The following FOSB variants were observed in gnomAD, a reference collection of about 807,000 sequenced individuals.
FOSB encodes protein FosB.
In FOSB, 8 loss-of-function variants were observed where a neutral mutation model predicts 31.1. That is an observed-to-expected ratio of 0.26 (90% CI 0.15 to 0.46). FOSB has a LOEUF of 0.46. Ranked by LOEUF, FOSB falls within the 20% of genes least tolerant of loss-of-function variation. The pLI is 0.99. For missense variants in FOSB, 376 were observed against 460.6 expected (o/e 0.82, Z 1.68); for synonymous variants, 214 against 206.1 (o/e 1.04, Z -0.33).
In FOSB at chr19:45,470,534, T is replaced by G. The variant is rs1023722390; in HGVS notation, c.127-95T>G. ...CCACACTCGCTCACCCTGTGCTCAC[T>G]CACGGGGTCGGTGTGTGTTATGTGT... On this transcript the variant is annotated intron_variant, in intron 1 of 3. Coordinates refer to ENST00000353609, the MANE Select transcript of FOSB (RefSeq NM_006732.3). 2.4e-6 allele frequency: 3 copies of G among 1,273,912 alleles called. No individual in the cohort carries two copies. In the African/African-American group the frequency reaches 4.4e-5, roughly 19 times the overall value. 78.9% of individuals were successfully genotyped at this position (1,273,912 alleles called of 1,614,324 possible).
At position 45,473,916 on chromosome 19, in the gene FOSB, A is replaced by G. The variant is rs1022188345; in HGVS notation, c.*904A>G. On this transcript the variant is annotated 3_prime_UTR_variant, in exon 4 of 4. Transcript: ENST00000353609. Reference sequence around the variant, plus strand: ...TTATACTGTGAAATGAGTTGGCCAGATTGTGGGGTGCAGCTGGGTGGGGCA... The same window carrying G: ...TTATACTGTGAAATGAGTTGGCCAGGTTGTGGGGTGCAGCTGGGTGGGGCA... 2.6e-5 allele frequency: 4 copies of G among 152,468 alleles called. No individual in the cohort carries two copies. Among genetic ancestry groups the G allele is most frequent in the African/African-American group, 9.7e-5 (4 of 41,322 alleles). 9.4% of individuals were successfully genotyped at this position (152,468 alleles called of 1,614,324 possible). A position where few individuals can be genotyped will look rare whatever the true frequency, so the allele number is the denominator to read the frequency against.
At chr19:45,470,355 G>A in intron 1 of FOSB, 4 of 474,832 alleles carry the variant, frequency 8.4e-6, no homozygotes, top group Non-Finnish European at 1.5e-5. Flanking sequence ...CACCAACCCG[G>A]GGTGTGATTC....
intron 3 of FOSB, chr19:45,471,515 C>CGG: frequency 2.4e-6 from 1 of 409,078 alleles, no homozygotes; most frequent in Non-Finnish European, 4.4e-6. Flanking sequence ...CATTTCCTGA[C>CGG]CCCACGGACT....
At chr19:45,469,727 T>G (rs1465057095) in intron 1 of FOSB, 1 of 152,262 alleles carries the variant, frequency 6.6e-6, no homozygotes, top group East Asian at 1.9e-4. Flanking sequence ...CTGCTCCTCA[T>G]GCCCGGTTCC....
chr19:45,471,106 C>T, intron 2 of FOSB, 88 bp from the exon 3 acceptor site: 10 of 1,398,076 alleles, frequency 7.2e-6, no homozygotes, highest in Non-Finnish European at 9.9e-6. Flanking sequence ...TTTTTTGGCT[C>T]TTGGGGGTTC....
In FOSB at chr19:45,468,877, T is replaced by C. The variant is rs1967512620; in HGVS notation, c.126+165T>C. On this transcript the variant is annotated intron_variant, in intron 1 of 3. Coordinates refer to ENST00000353609, the MANE Select transcript of FOSB (RefSeq NM_006732.3). This position sits in a 1 kb window ranked among gnomAD's most constrained non-coding sequence, Gnocchi z 4.8. The stretch of plus-strand genomic sequence containing the variant: ...AAACTGCAAAGAGTCGGGAGATGTT[T>C]GCAATTGGTTGCGTGCGTGGAGCGC... Among the ~76,000 whole-genome samples, 1 of 151,992 alleles carries C rather than the reference T, an allele frequency of 6.6e-6. No individual in the cohort carries two copies. The highest frequency in any genetic ancestry group is 2.1e-4 in the South Asian group (1 of 4,824).
Position 45,471,223 on chromosome 19 carries a change from G to C in FOSB, c.477G>C (p.Arg159Ser). Reference sequence around the variant, plus strand: ...CCCCAGAGGAAGAGGAGAAGCGAAGGGTGCGCCGGGAACGAAATAAACTAG... The same window carrying C: ...CCCCAGAGGAAGAGGAGAAGCGAAGCGTGCGCCGGGAACGAAATAAACTAG... ...TLTPEEEEKR[R>S]VRRERNKLAA... Residue 159 changes from arginine (R) to serine (S), a missense_variant, in exon 3 of 4, where the codon AGG (arginine) becomes AGC (serine). By Grantham distance (110) the Arg-to-Ser change is moderately radical. Transcript: ENST00000353609. 1 of 1,567,172 alleles carries C rather than the reference G, an allele frequency of 6.4e-7. No homozygotes were observed. Among genetic ancestry groups the C allele is most frequent in the Non-Finnish European group, 8.7e-7 (1 of 1,155,608 alleles).
rs375983768 is a variant in FOSB at position 45,470,637 on chromosome 19, C to T, written c.135C>T (p.Ala45=). The stretch of plus-strand genomic sequence containing the variant: ...TATGTGTCACCCCGTAGGAGTGCGC[C>T]GGTCTCGGGGAAATGCCCGGTTCCT... The part of the protein sequence containing the change: ...PPTAAASQEC[A]GLGEMPGSFV... The change falls in exon 2 of 4, where the codon GCC becomes GCT. Residue 45 remains alanine, a synonymous_variant. Coordinates refer to ENST00000353609, the MANE Select transcript of FOSB (RefSeq NM_006732.3). The T allele has an allele frequency of 1.1e-5, 17 of 1,606,438 alleles. No individual in the cohort carries two copies. Among genetic ancestry groups the T allele is most frequent in the Non-Finnish European group, 1.4e-5 (16 of 1,176,608 alleles).
chr19:45,473,318 T>G lies in FOSB; in HGVS notation c.*306T>G, dbSNP rs1456494038. 11 of 61,160 alleles carry G rather than the reference T, an allele frequency of 1.8e-4. No homozygotes were observed. The highest frequency in any genetic ancestry group is 5.3e-4 in the South Asian group (3 of 5,610). 3.8% of individuals were successfully genotyped at this position (61,160 alleles called of 1,614,324 possible). A position where few individuals can be genotyped will look rare whatever the true frequency, so the allele number is the denominator to read the frequency against. On this transcript the variant is annotated 3_prime_UTR_variant, in exon 4 of 4. Transcript: ENST00000353609. ...GGCTCTCTGACGTCAACCCAAGCTC[T>G]GGGGATGGGTGGGGAGGGGGGCGGG...
rs1967762863 is a variant in FOSB at position 45,473,708 on chromosome 19, C to T, written c.*696C>T. The T allele has an allele frequency of 6.6e-6, 1 of 151,404 alleles. No homozygotes were observed. Among genetic ancestry groups the T allele is most frequent in the Non-Finnish European group, 1.5e-5 (1 of 67,910 alleles). The allele number at this position is 151,404 out of a possible 1,614,324, so 9.4% of individuals were successfully genotyped here. ...AGCCACTCCCTCCCAGAAAAACTGG[C>T]TCTGATTGGAATTTCTGGCCTCCTA... On this transcript the variant is annotated 3_prime_UTR_variant, in exon 4 of 4. Transcript: ENST00000353609.
Position 45,468,604 on chromosome 19 carries a change from C to T in FOSB, c.18C>T (p.Pro6=). 6.2e-7 allele frequency: 1 copy of T among 1,612,874 alleles called. No individual in the cohort carries two copies. The highest frequency in any genetic ancestry group is 8.5e-7 in the Non-Finnish European group (1 of 1,179,684). MFQAF[P]GDYDSGSRCS... is the part of the protein sequence containing the mutation. ...CCAGGGAAATGTTTCAGGCTTTCCC[C>T]GGAGACTACGACTCCGGCTCCCGGT... Residue 6 remains proline (P), a synonymous_variant, in exon 1 of 4, where the codon CCC becomes CCT. Coordinates refer to ENST00000353609, the MANE Select transcript of FOSB (RefSeq NM_006732.3). This position sits in a 1 kb window ranked among gnomAD's most constrained non-coding sequence, Gnocchi z 4.8.
Position 45,470,684 on chromosome 19 carries a change from T to A in FOSB, c.182T>A (p.Ile61Asn). Residue 61 changes from isoleucine (I) to asparagine (N), a missense_variant, in exon 2 of 4, where the codon ATC (isoleucine) becomes AAC (asparagine). Around this residue, in one of 3 missense-constraint regions of FOSB, gnomAD observed 193 missense variants for 207.1 expected, o/e 0.93. Transcript: ENST00000353609. Reference protein sequence around the residue: ...PGSFVPTVTAITTSQDLQWLV... With the variant: ...PGSFVPTVTANTTSQDLQWLV... ...TCCTTCGTGCCCACGGTCACCGCGATCACAACCAGCCAGGACCTCCAGTGG... is the reference window on the plus strand; with the variant it reads ...TCCTTCGTGCCCACGGTCACCGCGAACACAACCAGCCAGGACCTCCAGTGG... The A allele has an allele frequency of 1.2e-6, 2 of 1,613,266 alleles. No individual in the cohort carries two copies. The highest frequency in any genetic ancestry group is 1.7e-6 in the Non-Finnish European group (2 of 1,179,852).
At chr19:45,471,018 T>C in intron 2 of FOSB, 69 bp downstream of exon 2, 1 of 1,507,586 alleles carries the variant, frequency 6.6e-7, no homozygotes, top group Non-Finnish European at 9.1e-7. Flanking sequence ...TTCTTATGAA[T>C]GGAGGGGGGC....
rs759371386 is a variant in FOSB, at chr19:45,470,611, G to T, written c.127-18G>T. On this transcript the variant is annotated intron_variant, in intron 1 of 3. Coordinates refer to ENST00000353609, the MANE Select transcript of FOSB (RefSeq NM_006732.3). ...TGTTTGTGTGTCTACGCCTGTGTGT[G>T]TATGTGTCACCCCGTAGGAGTGCGC... 7.4e-5 allele frequency: 117 copies of T among 1,587,956 alleles called. No homozygotes were observed. Among genetic ancestry groups the T allele is most frequent in the Non-Finnish European group, 9.7e-5 (113 of 1,167,146 alleles).
chr19:45,472,770 C>T lies in FOSB; in HGVS notation c.775C>T (p.Pro259Ser). The change falls in exon 4 of 4, where the codon CCG becomes TCG. Residue 259 changes from proline to serine, a missense_variant. Pro to Ser is a moderately conservative substitution (Grantham distance 74, BLOSUM62 -1). Coordinates refer to ENST00000353609, the MANE Select transcript of FOSB (RefSeq NM_006732.3). The surrounding 1 kb of genome is among the most constrained non-coding windows in gnomAD (Gnocchi z 5.4). Reference sequence around the variant, plus strand: ...TGGCTTCAGCTGGCTGCTGCCGCCCCCGCCACCACCGCCCCTGCCCTTCCA... The same window carrying T: ...TGGCTTCAGCTGGCTGCTGCCGCCCTCGCCACCACCGCCCCTGCCCTTCCA... Reference protein sequence around the residue: ...EDGFSWLLPPPPPPPLPFQTS... With the variant: ...EDGFSWLLPPSPPPPLPFQTS... The T allele has an allele frequency of 6.2e-7, 1 of 1,614,038 alleles. No individual in the cohort carries two copies. Among genetic ancestry groups the T allele is most frequent in the Non-Finnish European group, 8.5e-7 (1 of 1,179,972 alleles).
At chr19:45,470,991 C>A (rs764395863) in intron 2 of FOSB, 42 bp downstream of exon 2, 3 of 1,588,726 alleles carry the variant, frequency 1.9e-6, no homozygotes, top group Non-Finnish European at 2.6e-6. Flanking sequence ...TAGGGGGAAG[C>A]AAGAGAGGCA....
In FOSB at chr19:45,472,703, G is replaced by C; in HGVS notation, c.708G>C (p.Ala236=). 2 of 1,608,976 alleles carry C rather than the reference G, an allele frequency of 1.2e-6. No individual in the cohort carries two copies. The highest frequency in any genetic ancestry group is 4.5e-5 in the East Asian group (2 of 44,798). ...YEEGPGPGPL[A]EVRDLPGSAP... ...AGGGGCCCGGGCCGGGCCCGCTGGC[G>C]GAGGTGAGAGATTTGCCGGGCTCAG... Residue 236 remains alanine, a synonymous_variant, in exon 4 of 4, where the codon GCG becomes GCC. Transcript: ENST00000353609. The surrounding 1 kb of genome is among the most constrained non-coding windows in gnomAD (Gnocchi z 5.4).
chr19:45,472,761 C>T lies in FOSB; in HGVS notation c.766C>T (p.Leu256=). 1.9e-6 allele frequency: 3 copies of T among 1,613,820 alleles called. No individual in the cohort carries two copies. Among genetic ancestry groups the T allele is most frequent in the Non-Finnish European group, 2.5e-6 (3 of 1,179,882 alleles). Residue 256 remains leucine, a synonymous_variant, in exon 4 of 4, where the codon CTG becomes TTG. Transcript: ENST00000353609. The surrounding 1 kb of genome is among the most constrained non-coding windows in gnomAD (Gnocchi z 5.4). Reference sequence around the variant, plus strand: ...TAAGGAAGATGGCTTCAGCTGGCTGCTGCCGCCCCCGCCACCACCGCCCCT... The same window carrying T: ...TAAGGAAGATGGCTTCAGCTGGCTGTTGCCGCCCCCGCCACCACCGCCCCT... ...PAKEDGFSWL[L]PPPPPPPLPF... is the part of the protein sequence containing the mutation.
Position 45,473,048 on chromosome 19 carries a change from G to T in FOSB, c.*36G>T, listed in dbSNP as rs774021377. ...CACACAAAACAAACAAACACATGGG[G>T]GAGAGAGACTTGGAAGAGGAGGAGG... On this transcript the variant is annotated 3_prime_UTR_variant, in exon 4 of 4. Transcript: ENST00000353609. The T allele has an allele frequency of 6.4e-7, 1 of 1,559,884 alleles. No individual in the cohort carries two copies.
Sources: allele counts gnomAD v4.1 joint callset (sites outside exome capture counted in the v4.1 genomes callset), GRCh38; gene constraint gnomAD v4.1.1; regional missense constraint gnomAD v4.1.1; non-coding constraint Gnocchi (gnomAD v3.1); transcripts MANE v1.5; gene names NCBI Gene and HGNC (gene_info 2026-07-23, HGNC 2026-07-21).